Variants in CCNY observed in about 807,000 individuals in gnomAD.
CCNY encodes the protein cyclin Y, also known as cyclin-Y.
A neutral mutation model predicts 42.8 loss-of-function variants in CCNY; 19 were observed. The ratio of observed to expected loss-of-function variants is 0.44; its 90% CI spans 0.31 to 0.65. CCNY has a LOEUF of 0.65. Among genes scored for constraint, CCNY ranks in the 30% least tolerant of loss-of-function variants. The pLI, the probability that CCNY is intolerant of heterozygous loss-of-function variation, is 0.07. For synonymous variants in CCNY, 165 were observed against 162.7 expected (o/e 1.01, Z -0.11); for missense variants, 370 against 437.3 (o/e 0.85, Z 1.37).
chr10:35,477,326 C>T (rs1032501959), intron 1 of CCNY, among the ~76,000 whole-genome samples: 7 of 151,434 alleles, frequency 4.6e-5, no homozygotes, highest in Non-Finnish European at 1.0e-4. Flanking sequence ...CGGGCAGAGA[C>T]ACAACCAAAA....
At chr10:35,247,610 A>G (rs1177977771) in intron 1 of CCNY, among the ~76,000 whole-genome samples, 1 of 150,410 alleles carries the variant, frequency 6.6e-6, no homozygotes, top group African/African-American at 2.4e-5. Flanking sequence ...AATGAAAAAA[A>G]TCACACCTGT....
At chr10:35,548,255 A>C (rs1030057311) in intron 7 of CCNY, among the ~76,000 whole-genome samples, 1 of 147,700 alleles carries the variant, frequency 6.8e-6, no homozygotes, top group Non-Finnish European at 1.5e-5. Context: ...AATAAGGACA[A>C]ATATATATAT....
chr10:35,290,137 AAT>A (rs1471688178), intron 3 of CCNY, among the ~76,000 whole-genome samples: 1 of 151,330 alleles, frequency 6.6e-6, no homozygotes, highest in Non-Finnish European at 1.5e-5. Flanking sequence ...GAGGCAGGAG[AAT>A]CTCTTGAACC....
intron 1 of CCNY, among the ~76,000 whole-genome samples, chr10:35,433,687 CT>C (rs1838463605): frequency 6.6e-6 from 1 of 152,226 alleles, no homozygotes; most frequent in African/African-American, 2.4e-5. Flanking sequence ...TCTCGGCTTA[CT>C]GCATTCTCCG....
intron 1 of CCNY, among the ~76,000 whole-genome samples, chr10:35,480,117 G>T (rs1185236509): frequency 6.6e-6 from 1 of 152,092 alleles, no homozygotes; most frequent in Non-Finnish European, 1.5e-5. Flanking sequence ...TCAGACACTG[G>T]TCTTGAAGTC....
chr10:35,353,480 T>C (rs1453431152), intron 1 of CCNY, among the ~76,000 whole-genome samples: 4 of 152,242 alleles, frequency 2.6e-5, no homozygotes, highest in Non-Finnish European at 5.9e-5. Context: ...TTTTGTTGAG[T>C]ATGAGAAGAA....
chr10:35,516,898 A>T (rs1159636109), intron 4 of CCNY, among the ~76,000 whole-genome samples: 1 of 151,866 alleles, frequency 6.6e-6, no homozygotes, highest in African/African-American at 2.4e-5. Context: ...ATCTTAAAGT[A>T]TTTTAAATGT....
At chr10:35,291,545 T>G (rs1016433379) in intron 3 of CCNY, among the ~76,000 whole-genome samples, 1 of 148,676 alleles carries the variant, frequency 6.7e-6, no homozygotes, top group Non-Finnish European at 1.5e-5. Context: ...TTTTTTTTTT[T>G]TTTTGAGACA....
intron 3 of CCNY, among the ~76,000 whole-genome samples, chr10:35,321,915 G>A (rs1236010127): frequency 6.6e-6 from 1 of 152,096 alleles, no homozygotes; most frequent in Non-Finnish European, 1.5e-5. Flanking sequence ...TGACAAAGTG[G>A]CCACAGTAAG....
chr10:35,446,753 T>G (rs1385166003), intron 1 of CCNY, among the ~76,000 whole-genome samples: 1 of 152,152 alleles, frequency 6.6e-6, no homozygotes, highest in Non-Finnish European at 1.5e-5. Flanking sequence ...CTCTTGCCCC[T>G]TGTGGGATCT....
At chr10:35,385,966 C>G (rs546336098) in intron 1 of CCNY, among the ~76,000 whole-genome samples, 1 of 152,144 alleles carries the variant, frequency 6.6e-6, no homozygotes, top group East Asian at 1.9e-4. Context: ...TGTCCTAATG[C>G]GTCTCATGTT....
Position 35,553,099 on chromosome 10 carries a change from C to T in CCNY, c.660C>T (p.Ile220=), listed in dbSNP as rs1420625143. 6.2e-7 allele frequency: 1 copy of T among 1,614,188 alleles called. No homozygotes were observed. The highest frequency in any genetic ancestry group is 1.1e-5 in the South Asian group (1 of 91,088). The stretch of plus-strand genomic sequence containing the variant: ...GGAAGCGGATTGTTTTAGGGGCGAT[C>T]CTGCTGGCCTCCAAGGTGTGGGATG... ...ANWKRIVLGA[I]LLASKVWDDQ... is the part of the protein sequence containing the mutation. The change falls in exon 8 of 10, where the codon ATC becomes ATT. Residue 220 remains isoleucine (I), a synonymous_variant. Transcript: ENST00000374704.
At chr10:35,360,650 A>T (rs192769003) in intron 1 of CCNY, among the ~76,000 whole-genome samples, 1 of 152,104 alleles carries the variant, frequency 6.6e-6, no homozygotes, top group Non-Finnish European at 1.5e-5. Context: ...AAAAAAGTAT[A>T]TAGAAAAAAT....
intron 3 of CCNY, among the ~76,000 whole-genome samples, chr10:35,298,107 C>G (rs1171830574): frequency 6.6e-6 from 1 of 151,968 alleles, no homozygotes; most frequent in Non-Finnish European, 1.5e-5. Flanking sequence ...TACAGGGCTA[C>G]AGTAACCAAA....
In CCNY at chr10:35,456,478, C is replaced by T. The variant is rs549292327; in HGVS notation, c.155-26926C>T. The stretch of plus-strand genomic sequence containing the variant: ...AGCAGATCATTGATTGCACAGGATT[C>T]GGAGGCACATTCATTTGTATCTTCC... On this transcript the variant is annotated intron_variant, in intron 1 of 9. Transcript: ENST00000374704. 1.9e-3 allele frequency among the ~76,000 whole-genome samples: 288 copies of T among 152,302 alleles called. 2 individuals are homozygous for T. Among genetic ancestry groups the T allele is most frequent in the African/African-American group, 6.6e-3 (275 of 41,570 alleles).
chr10:35,450,143 G>C (rs775632542), intron 1 of CCNY, among the ~76,000 whole-genome samples: 15 of 152,046 alleles, frequency 9.9e-5, no homozygotes, highest in Non-Finnish European at 1.9e-4. Context: ...GATGTAGCAG[G>C]GGGAGGGGTG....
chr10:35,474,078 G>A (rs548765982), intron 1 of CCNY, among the ~76,000 whole-genome samples: 1 of 152,190 alleles, frequency 6.6e-6, no homozygotes, highest in African/African-American at 2.4e-5. Context: ...CGAATACTGC[G>A]CTTTTCCAAC....
chr10:35,447,386 C>T (rs545622550), intron 1 of CCNY, among the ~76,000 whole-genome samples: 3 of 152,272 alleles, frequency 2.0e-5, no homozygotes, highest in Non-Finnish European at 2.9e-5. Context: ...GCTTTACTAG[C>T]GATAACGTGG....
intron 1 of CCNY, among the ~76,000 whole-genome samples, chr10:35,472,264 C>G (rs1021054786): frequency 1.3e-5 from 2 of 152,140 alleles, no homozygotes; most frequent in African/African-American, 4.8e-5. Flanking sequence ...CACAATTTGC[C>G]CAAGGCCATA....
Sources: gnomAD v4.1 joint callset for allele counts (sites outside exome capture counted in the v4.1 genomes callset) on GRCh38, gnomAD v4.1.1 for gene constraint, MANE v1.5 for transcripts, NCBI Gene and HGNC (gene_info 2026-07-23, HGNC 2026-07-21) for gene names.